The following MAPT variants were observed in gnomAD, a reference collection of about 807,000 sequenced individuals.
MAPT encodes the protein microtubule associated protein tau.
Under a neutral mutation model 67.9 loss-of-function variants are expected in MAPT, and 34 were observed. The observed-to-expected ratio is 0.50, with a 90% confidence interval of 0.38 to 0.67. The LOEUF is 0.67. Among genes scored for constraint, MAPT ranks in the 30% least tolerant of loss-of-function variants. The probability of loss-of-function intolerance (pLI) is 0.00; values close to 1 mark genes in which losing one functional copy is unlikely to be tolerated. For synonymous variants in MAPT, 456 were observed against 464.5 expected, an observed-to-expected ratio of 0.98 and a Z score of 0.23; for missense variants, 881 against 1,115.2, an observed-to-expected ratio of 0.79 and a Z score of 2.99.
At chr17:45,982,527 A>G (rs995589647) in intron 4 of MAPT, among the ~76,000 whole-genome samples, 5 of 152,058 alleles carry the variant, frequency 3.3e-5, no homozygotes, top group African/African-American at 9.7e-5. Flanking sequence ...GATGTGTGAC[A>G]TGCTCTGTGC....
chr17:45,912,014 T>C (rs1293010021), intron 1 of MAPT, among the ~76,000 whole-genome samples: 1 of 152,198 alleles, frequency 6.6e-6, no homozygotes, highest in Non-Finnish European at 1.5e-5. Flanking sequence ...CTGTAAACTA[T>C]AAGCCCCACT....
At chr17:45,973,562 C>T (rs1233990264) in intron 3 of MAPT, 1 of 152,264 alleles carries the variant, frequency 6.6e-6, no homozygotes, top group Admixed American at 6.5e-5. Context: ...GTTGCTCCGC[C>T]TGCACCCAAG....
chr17:45,989,931 C>G lies in MAPT; in HGVS notation c.1461C>G (p.Pro487=). The G allele has an allele frequency of 6.2e-7, 1 of 1,614,208 alleles. No individual in the cohort carries two copies. The highest frequency in any genetic ancestry group is 1.7e-5 in the Admixed American group (1 of 60,018). The change falls in exon 7 of 13, where the codon CCC becomes CCG. Residue 487 remains proline (P), a synonymous_variant. Transcript: ENST00000262410. ...KTLKNRPCLS[P]KHPTPGSSDP... ...TGAAAAATAGGCCTTGCCTTAGCCC[C>G]AAACACCCCACTCCTGGTAGCTCAG...
chr17:45,904,041 AT>A (rs1251871775), intron 1 of MAPT, among the ~76,000 whole-genome samples: 1 of 17,828 alleles, frequency 5.6e-5, no homozygotes, highest in African/African-American at 2.2e-4. Flanking sequence ...TATATTATAT[AT>A]TTATATATAT....
intron 1 of MAPT, among the ~76,000 whole-genome samples, chr17:45,913,468 G>A (rs919517327): frequency 2.6e-5 from 4 of 152,198 alleles, no homozygotes; most frequent in Non-Finnish European, 4.4e-5. Context: ...TTAACAGAGT[G>A]AGCTCAGGTG....
intron 9 of MAPT, among the ~76,000 whole-genome samples, chr17:46,007,305 C>A (rs1197102667): frequency 2.0e-5 from 3 of 151,822 alleles, no homozygotes; most frequent in South Asian, 4.2e-4. Flanking sequence ...GGTGACATAG[C>A]GAGACCCCAT....
In MAPT at chr17:45,982,959, AG is replaced by A; in HGVS notation, c.382del (p.Ala128ProfsTer20). ...SAHVQPGPCGEASGVSGPCLG... is the reference protein window; with the variant it reads ...SAHVQPGPCGXASGVSGPCLG... ...CACGTCCAGCCTGGACCCTGCGGAG[AG>A]GCCTCTGGGGTCTCTGGGCCGTGCC... On this transcript the variant is annotated frameshift_variant, in exon 5 of 13. Coordinates refer to ENST00000262410, the MANE Select transcript of MAPT (RefSeq NM_001377265.1). LOFTEE classifies it high-confidence loss of function. The A allele has an allele frequency of 7.0e-7, 1 of 1,424,122 alleles. No individual in the cohort carries two copies. Among genetic ancestry groups the A allele is most frequent in the East Asian group, 2.5e-5 (1 of 39,736 alleles). The allele number at this position is 1,424,122 out of a possible 1,614,324, so 88.2% of individuals were successfully genotyped here.
chr17:45,914,513 A>G (rs748463364), intron 1 of MAPT, among the ~76,000 whole-genome samples: 3 of 152,170 alleles, frequency 2.0e-5, no homozygotes, highest in Non-Finnish European at 4.4e-5. Flanking sequence ...GCAGTGAGGA[A>G]CAAGGCAGGT....
Position 46,010,221 on chromosome 17 carries a change from T to C in MAPT, c.1999-89T>C, listed in dbSNP as rs2075730605. On this transcript the variant is annotated intron_variant, in intron 9 of 12. Transcript: ENST00000262410. The surrounding 1 kb of genome is among the most constrained non-coding windows in gnomAD (Gnocchi z 4.7). ...AAGTAGGCGGGTCCAGGGTGGCGCA[T>C]GTCACTCATCGAAAGTGGAGGCGTC... 1 of 859,934 alleles carries C rather than the reference T, an allele frequency of 1.2e-6. No individual in the cohort carries two copies. The highest frequency in any genetic ancestry group is 1.7e-5 in the African/African-American group (1 of 59,788). 53.3% of individuals were successfully genotyped at this position (859,934 alleles called of 1,614,324 possible).
intron 1 of MAPT, among the ~76,000 whole-genome samples, chr17:45,911,261 G>A (rs2064768351): frequency 6.6e-6 from 1 of 152,212 alleles, no homozygotes; most frequent in African/African-American, 2.4e-5. Context: ...CATAGCGCAT[G>A]GCACAGAATA....
chr17:45,942,817 C>T (rs540143170), intron 1 of MAPT, among the ~76,000 whole-genome samples: 21 of 152,360 alleles, frequency 1.4e-4, no homozygotes, highest in African/African-American at 4.3e-4. Flanking sequence ...CATGTATTAA[C>T]TCACCTAATC....
At chr17:46,016,130 A>G (rs62062275) in intron 11 of MAPT, among the ~76,000 whole-genome samples, 21,808 of 152,158 alleles carry the variant, frequency 0.14, 2,133 homozygotes, top group Non-Finnish European at 0.22. Flanking sequence ...GGTGGCCCAC[A>G]CCTATAATCC....
chr17:45,963,534 G>A (rs1052135612), intron 2 of MAPT, among the ~76,000 whole-genome samples: 1 of 152,236 alleles, frequency 6.6e-6, no homozygotes, highest in African/African-American at 2.4e-5. Flanking sequence ...AGCCCACAGT[G>A]CAGCCCGAGG....
Position 45,983,557 on chromosome 17 carries a change from A to G in MAPT, c.978A>G (p.Arg326=), listed in dbSNP as rs776020906. 1 of 1,612,916 alleles carries G rather than the reference A, an allele frequency of 6.2e-7. No homozygotes were observed. Among genetic ancestry groups the G allele is most frequent in the African/African-American group, 1.3e-5 (1 of 74,912 alleles). ...GGCGGCCTCCCCAGACAGCCGCCAGAGAAGCCACCAGCATCCCAGGCTTCC... is the reference window on the plus strand; with the variant it reads ...GGCGGCCTCCCCAGACAGCCGCCAGGGAAGCCACCAGCATCCCAGGCTTCC... ...QDGRPPQTAA[R]EATSIPGFPA... The change falls in exon 5 of 13, where the codon AGA becomes AGG. Residue 326 remains arginine, a synonymous_variant. Coordinates refer to ENST00000262410, the MANE Select transcript of MAPT (RefSeq NM_001377265.1).
At chr17:46,023,763 C>A (rs2076673835) in intron 12 of MAPT, among the ~76,000 whole-genome samples, 193 bp from the exon 13 acceptor site, 1 of 152,178 alleles carries the variant, frequency 6.6e-6, no homozygotes. Context: ...ATCACCTGAG[C>A]CTGGGAGGTC....
chr17:46,010,107 C>G lies in MAPT; in HGVS notation c.1999-203C>G, dbSNP rs556884497. 1.2e-4 allele frequency among the ~76,000 whole-genome samples: 18 copies of G among 152,312 alleles called. No homozygotes were observed. The highest frequency in any genetic ancestry group is 2.5e-4 in the Non-Finnish European group (17 of 68,026). On this transcript the variant is annotated intron_variant, in intron 9 of 12. Transcript: ENST00000262410. The surrounding 1 kb of genome is among the most constrained non-coding windows in gnomAD (Gnocchi z 4.7). ...GGATGCCTTCAGAGCAGCCCTCTATCCCTTCAGCTCCCCTGGGATGTGACT... is the reference window on the plus strand; with the variant it reads ...GGATGCCTTCAGAGCAGCCCTCTATGCCTTCAGCTCCCCTGGGATGTGACT...
rs893329228 is a variant in MAPT, at chr17:45,971,275, T to A, written c.134-584T>A. Among the ~76,000 whole-genome samples, 3 of 152,232 alleles carry A rather than the reference T, an allele frequency of 2.0e-5. No individual in the cohort carries two copies. Among genetic ancestry groups the A allele is most frequent in the Non-Finnish European group, 4.4e-5 (3 of 68,028 alleles). ...TCCCATTCTGAAAGGACAGTTTTATTGTAGGTACACATGGCTGCCATTTCA... is the reference window on the plus strand; with the variant it reads ...TCCCATTCTGAAAGGACAGTTTTATAGTAGGTACACATGGCTGCCATTTCA... On this transcript the variant is annotated intron_variant, in intron 2 of 12. Coordinates refer to ENST00000262410, the MANE Select transcript of MAPT (RefSeq NM_001377265.1). The surrounding 1 kb of genome is among the most constrained non-coding windows in gnomAD (Gnocchi z 4.3).
intron 12 of MAPT, among the ~76,000 whole-genome samples, chr17:46,020,950 G>C (rs1039630093): frequency 6.6e-6 from 1 of 152,186 alleles, no homozygotes; most frequent in African/African-American, 2.4e-5. Context: ...CAGTTGGGTG[G>C]AAGTGGCAGC....
chr17:45,992,835 GAGCT>G (rs1467005903), intron 8 of MAPT, among the ~76,000 whole-genome samples: 6 of 150,122 alleles, frequency 4.0e-5, no homozygotes, highest in Non-Finnish European at 8.8e-5. Context: ...AGGTTGCAGT[GAGCT>G]GAGATCGCAC....
Sources: gnomAD v4.1 joint callset for allele counts (sites outside exome capture counted in the v4.1 genomes callset) on GRCh38, gnomAD v4.1.1 for gene constraint, Gnocchi (gnomAD v3.1) non-coding constraint, MANE v1.5 for transcripts, NCBI Gene and HGNC (gene_info 2026-07-23, HGNC 2026-07-21) for gene names.